The following ICA1L variants were observed in gnomAD, a reference collection of about 807,000 sequenced individuals.
ICA1L encodes the protein islet cell autoantigen 1 like.
Under a neutral mutation model 61.3 loss-of-function variants are expected in ICA1L, and 50 were observed. The ratio of observed to expected loss-of-function variants is 0.82; its 90% CI spans 0.65 to 1.03. ICA1L has a LOEUF of 1.03. Among genes scored for constraint, ICA1L ranks in the 50% least tolerant of loss-of-function variants. ICA1L has a pLI of 0.00. For synonymous variants in ICA1L, 161 were observed against 191.3 expected (o/e 0.84, Z 1.31); for missense variants, 508 against 556.7 (o/e 0.91, Z 0.88).
chr2:202,781,585 A>C (rs1692407541), intron 12 of ICA1L, among the ~76,000 whole-genome samples: 1 of 151,682 alleles, frequency 6.6e-6, no homozygotes, highest in Non-Finnish European at 1.5e-5. Context: ...AAAAAAAAAA[A>C]AAAAAGACTC....
chr2:202,842,835 A>AT (rs1294531748), intron 1 of ICA1L, among the ~76,000 whole-genome samples: 2 of 151,986 alleles, frequency 1.3e-5, no homozygotes, highest in East Asian at 1.9e-4. Context: ...TCTAAGCTTC[A>AT]TTTTTTCTTC....
At chr2:202,834,786 T>G (rs1694103717) in intron 1 of ICA1L, among the ~76,000 whole-genome samples, 1 of 152,194 alleles carries the variant, frequency 6.6e-6, no homozygotes, top group Non-Finnish European at 1.5e-5. Context: ...TTCATTAAAT[T>G]TACATACACT....
At chr2:202,860,667 G>A (rs1454151336) in intron 1 of ICA1L, among the ~76,000 whole-genome samples, 1 of 150,966 alleles carries the variant, frequency 6.6e-6, no homozygotes, top group Admixed American at 6.6e-5. Flanking sequence ...CAGGAGAATT[G>A]CTTGAACCCG....
At chr2:202,812,166 G>A (rs1574345830) in intron 8 of ICA1L, among the ~76,000 whole-genome samples, 1 of 152,196 alleles carries the variant, frequency 6.6e-6, no homozygotes, top group African/African-American at 2.4e-5. Flanking sequence ...AAAAGATGGA[G>A]TACCCTATTT....
At chr2:202,793,494 TAAAAAAAAAA>T (rs755015399) in intron 10 of ICA1L, among the ~76,000 whole-genome samples, 19 of 31,352 alleles carry the variant, frequency 6.1e-4, no homozygotes, top group East Asian at 1.7e-3. Flanking sequence ...CCGTCTCTAC[TAAAAAAAAAA>T]AAAAAAAAAA....
At chr2:202,850,326 G>T (rs1694583645) in intron 1 of ICA1L, among the ~76,000 whole-genome samples, 1 of 152,188 alleles carries the variant, frequency 6.6e-6, no homozygotes, top group Admixed American at 6.5e-5. Context: ...AAGGTGGATA[G>T]TAACAAACTC....
chr2:202,859,105 T>C (rs1694840045), intron 1 of ICA1L, among the ~76,000 whole-genome samples: 2 of 152,202 alleles, frequency 1.3e-5, no homozygotes, highest in Admixed American at 6.5e-5. Flanking sequence ...TCTCCTTTCA[T>C]GGATGGAGAT....
intron 1 of ICA1L, among the ~76,000 whole-genome samples, chr2:202,832,061 C>T (rs1002603065): frequency 2.0e-5 from 3 of 152,224 alleles, no homozygotes; most frequent in African/African-American, 4.8e-5. Context: ...GGCAGAAAAT[C>T]AGCCATTGAA....
At chr2:202,828,263 C>CA (rs56039507) in intron 2 of ICA1L, among the ~76,000 whole-genome samples, 42 of 136,440 alleles carry the variant, frequency 3.1e-4, no homozygotes, top group Non-Finnish European at 3.8e-4. Flanking sequence ...AACCTCCATC[C>CA]AAAAAAAAAA....
chr2:202,824,971 C>A (rs1693796380), intron 3 of ICA1L, among the ~76,000 whole-genome samples: 1 of 152,046 alleles, frequency 6.6e-6, no homozygotes, highest in Non-Finnish European at 1.5e-5. Flanking sequence ...ATGACCTTGA[C>A]AAGAGAAATT....
intron 9 of ICA1L, among the ~76,000 whole-genome samples, chr2:202,801,776 C>G (rs916436037): frequency 6.6e-6 from 1 of 152,136 alleles, no homozygotes; most frequent in African/African-American, 2.4e-5. Context: ...AGGCCCTTGG[C>G]AAACGCAAGG....
In ICA1L at chr2:202,862,272, CAAAAAAAAAAAA is replaced by C. The variant is rs778355110; in HGVS notation, c.-8+9335_-8+9346del. Among the ~76,000 whole-genome samples the C allele has an allele frequency of 1.4e-3, 87 of 62,966 alleles. 1 individual carries two copies. The highest frequency in any genetic ancestry group is 6.2e-3 in the African/African-American group (75 of 12,060). 41.3% of individuals were successfully genotyped at this position (62,966 alleles called of 152,430 possible). On this transcript the variant is annotated intron_variant, in intron 1 of 12. Transcript: ENST00000358299. The stretch of plus-strand genomic sequence containing the variant: ...GCAACACAGTAAGACCTCATTTCTA[CAAAAAAAAAAAA>C]AAAAAAAAAAAAAAAAAAAAAGGCC...
Position 202,817,462 on chromosome 2 carries a change from C to T in ICA1L, c.640G>A (p.Ala214Thr), listed in dbSNP as rs1693569265. The change falls in exon 6 of 13, where the codon GCT (alanine) becomes ACT (threonine). Residue 214 changes from alanine to threonine, a missense_variant. By Grantham distance (58) the Ala-to-Thr change is moderately conservative. Transcript: ENST00000358299. ...TGAGATAGCATATTGCAGCGACTAG[C>T]TCCAAGTAAATCCACTTTCTGACAA... is the stretch of plus-strand genomic sequence containing the variant. ...DVCQKVDLLG[A>T]SRCNMLSHSL... The T allele has an allele frequency of 3.7e-6, 6 of 1,611,320 alleles. No homozygotes were observed. The highest frequency in any genetic ancestry group is 4.2e-6 in the Non-Finnish European group (5 of 1,178,342).
chr2:202,814,467 G>C (rs953342491), intron 8 of ICA1L, among the ~76,000 whole-genome samples: 2 of 152,186 alleles, frequency 1.3e-5, no homozygotes, highest in African/African-American at 4.8e-5. Context: ...CCACGCTCTT[G>C]AACTTCCCAG....
Position 202,809,346 on chromosome 2 carries a change from G to A in ICA1L, c.910+2400C>T, listed in dbSNP as rs528235379. Among the ~76,000 whole-genome samples the A allele has an allele frequency of 1.5e-4, 23 of 151,874 alleles. No individual in the cohort carries two copies. The South Asian group carries it at 4.8e-3, about 32-fold the overall frequency. ...CCGGTTATCTGAAAATGCAGTCAGAGGAGACAAAAGAAAAGAGAATAGGCC... is the reference window on the plus strand; with the variant it reads ...CCGGTTATCTGAAAATGCAGTCAGAAGAGACAAAAGAAAAGAGAATAGGCC... On this transcript the variant is annotated intron_variant, in intron 9 of 12. Coordinates refer to ENST00000358299, the MANE Select transcript of ICA1L (RefSeq NM_001288622.3).
intron 8 of ICA1L, among the ~76,000 whole-genome samples, chr2:202,813,076 T>C (rs551139205): frequency 1.4e-4 from 22 of 152,116 alleles, no homozygotes; most frequent in African/African-American, 4.8e-4. Context: ...CTGGCCAACA[T>C]AGTGAAACTC....
chr2:202,848,996 A>G (rs1369990106), intron 1 of ICA1L, among the ~76,000 whole-genome samples: 4 of 152,094 alleles, frequency 2.6e-5, no homozygotes, highest in Non-Finnish European at 1.5e-5. Flanking sequence ...GGCAAGCAGA[A>G]GCAGGGTGGG....
At chr2:202,805,875 TAAAAA>T (rs201299989) in intron 9 of ICA1L, among the ~76,000 whole-genome samples, 1 of 151,970 alleles carries the variant, frequency 6.6e-6, no homozygotes, top group Admixed American at 6.6e-5. Context: ...CTTTGTGACT[TAAAAA>T]AAAGTTCTGT....
Position 202,849,851 on chromosome 2 carries a change from G to A in ICA1L, c.-7-20835C>T, listed in dbSNP as rs1694567384. Among the ~76,000 whole-genome samples, 1 of 152,170 alleles carries A rather than the reference G, an allele frequency of 6.6e-6. No homozygotes were observed. The highest frequency in any genetic ancestry group is 2.1e-4 in the South Asian group (1 of 4,834). On this transcript the variant is annotated intron_variant, in intron 1 of 12. Transcript: ENST00000358299. This position sits in a 1 kb window ranked among gnomAD's most constrained non-coding sequence, Gnocchi z 4.5. ...TCCCAGACCCCCATGCCTCCTGACTGGAAGACACCTCCCAGCAGGGGTCAA... is the reference window on the plus strand; with the variant it reads ...TCCCAGACCCCCATGCCTCCTGACTAGAAGACACCTCCCAGCAGGGGTCAA...
Sources: allele counts gnomAD v4.1 joint callset (sites outside exome capture counted in the v4.1 genomes callset), GRCh38; gene constraint gnomAD v4.1.1; non-coding constraint Gnocchi (gnomAD v3.1); transcripts MANE v1.5; gene names NCBI Gene and HGNC (gene_info 2026-07-23, HGNC 2026-07-21).